CCDC7: variants seen among roughly 807,000 people sequenced by gnomAD.
CCDC7 encodes coiled-coil domain-containing protein 7.
In CCDC7, 183 loss-of-function variants were observed where a neutral mutation model predicts 196.9. The ratio of observed to expected loss-of-function variants is 0.93; its 90% CI spans 0.82 to 1.05. The LOEUF is 1.05. Ranked by LOEUF, CCDC7 falls within the 50% of genes least tolerant of loss-of-function variation. The probability of loss-of-function intolerance (pLI) is 0.00; values close to 1 mark genes in which losing one functional copy is unlikely to be tolerated. For synonymous variants in CCDC7, 525 were observed against 484.6 expected (o/e 1.08, Z -1.10); for missense variants, 1,540 against 1,482.2 (o/e 1.04, Z -0.64).
chr10:32,479,391 C>A (rs905072635), intron 8 of CCDC7, among the ~76,000 whole-genome samples: 1 of 152,192 alleles, frequency 6.6e-6, no homozygotes, highest in Admixed American at 6.5e-5. Flanking sequence ...TACATTCCTT[C>A]TGTATCTAAT....
intron 24 of CCDC7, among the ~76,000 whole-genome samples, chr10:32,710,087 T>C (rs548644716): frequency 3.7e-4 from 57 of 152,300 alleles, no homozygotes; most frequent in African/African-American, 1.3e-3. Flanking sequence ...TGACTTTGCT[T>C]ATCCTCCTTG....
chr10:32,549,382 C>T (rs1433660700), intron 13 of CCDC7, among the ~76,000 whole-genome samples: 1 of 152,074 alleles, frequency 6.6e-6, no homozygotes, highest in African/African-American at 2.4e-5. Context: ...ACTCTGCTGA[C>T]TGTTCCTTTT....
chr10:32,784,757 T>C (rs2081572532), intron 29 of CCDC7, among the ~76,000 whole-genome samples: 1 of 152,048 alleles, frequency 6.6e-6, no homozygotes, highest in South Asian at 2.1e-4. Context: ...ATCCCAGCAC[T>C]TTGGGAGGCT....
chr10:32,572,065 C>CA (rs1482176704), intron 16 of CCDC7, among the ~76,000 whole-genome samples, 172 bp downstream of exon 17: 2 of 151,856 alleles, frequency 1.3e-5, no homozygotes, highest in Non-Finnish European at 2.9e-5. Context: ...TTGATGCAGT[C>CA]AAAATCAAAA....
At chr10:32,810,158 A>C (rs1390045491) in intron 30 of CCDC7, among the ~76,000 whole-genome samples, 1 of 152,184 alleles carries the variant, frequency 6.6e-6, no homozygotes, top group African/African-American at 2.4e-5. Flanking sequence ...AACAACCAGA[A>C]AATAAGAAAA....
chr10:32,794,689 T>C (rs1379693923), intron 29 of CCDC7, among the ~76,000 whole-genome samples: 1 of 152,226 alleles, frequency 6.6e-6, no homozygotes, highest in African/African-American at 2.4e-5. Context: ...TAATGAGCAA[T>C]TTTTCATATA....
intron 20 of CCDC7, among the ~76,000 whole-genome samples, chr10:32,641,354 T>G (rs1003216214): frequency 6.6e-6 from 1 of 152,218 alleles, no homozygotes; most frequent in African/African-American, 2.4e-5. Flanking sequence ...TTCGTTTCTT[T>G]TTATTGTTTT....
At chr10:32,493,837 CAT>C (rs2042499681) in intron 9 of CCDC7, among the ~76,000 whole-genome samples, 3 of 152,146 alleles carry the variant, frequency 2.0e-5, no homozygotes, top group South Asian at 4.1e-4. Context: ...TGACCATTCA[CAT>C]GTCTTTTTTT....
chr10:32,577,141 A>G (rs1043691863), intron 16 of CCDC7, among the ~76,000 whole-genome samples: 4 of 152,116 alleles, frequency 2.6e-5, no homozygotes, highest in African/African-American at 9.7e-5. Flanking sequence ...AGGCAGGCAG[A>G]TCACGAGGTC....
exon 6 of CCDC7, chr10:32,471,134 C>A (rs148603519): frequency 1.2e-5 from 19 of 1,612,250 alleles, no homozygotes; most frequent in Non-Finnish European, 1.5e-5. Context: ...TTAAATATTG[C>A]AGAAATAGTA....
chr10:32,651,990 G>T (rs1279387172), intron 20 of CCDC7, among the ~76,000 whole-genome samples: 1 of 152,046 alleles, frequency 6.6e-6, no homozygotes, highest in African/African-American at 2.4e-5. Context: ...TTGATTTTTT[G>T]TCTGGATGAT....
intron 15 of CCDC7, 90 bp from the exon 17 acceptor site, chr10:32,571,769 A>C: frequency 8.1e-7 from 1 of 1,233,622 alleles, no homozygotes; most frequent in Non-Finnish European, 1.1e-6. Context: ...TCATATTAAA[A>C]AACTACCTTA....
chr10:32,611,275 T>C (rs2062100694), intron 18 of CCDC7, among the ~76,000 whole-genome samples: 1 of 152,230 alleles, frequency 6.6e-6, no homozygotes, highest in African/African-American at 2.4e-5. Flanking sequence ...GTTGTTTGTT[T>C]TTTTCTTGTA....
chr10:32,749,113 G>T (rs527309731), intron 28 of CCDC7, among the ~76,000 whole-genome samples: 1 of 152,294 alleles, frequency 6.6e-6, no homozygotes, highest in African/African-American at 2.4e-5. Flanking sequence ...ATTAAGTTGT[G>T]ATTCCCTATC....
chr10:32,444,295 C>A (rs879614593), upstream of CCDC7, among the ~76,000 whole-genome samples: 1 of 152,154 alleles, frequency 6.6e-6, no homozygotes, highest in Admixed American at 6.6e-5. Context: ...AAAGAATAAT[C>A]GATTCATGTC....
intron 29 of CCDC7, among the ~76,000 whole-genome samples, chr10:32,798,905 C>A (rs2084195498): frequency 6.6e-6 from 1 of 152,164 alleles, no homozygotes; most frequent in African/African-American, 2.4e-5. Flanking sequence ...GTCCACTGAT[C>A]ATAGGGAACT....
Position 32,488,019 on chromosome 10 carries a change from C to T in CCDC7, c.797-3903C>T, listed in dbSNP as rs143855836. On this transcript the variant is annotated intron_variant, in intron 8 of 41. Coordinates refer to ENST00000639629, the Ensembl canonical transcript of CCDC7. ...CACTACTCTCTTCAAAGCTGTCAGACAGGGACATTTAAGTCTTCAGAGGAT... is the reference window on the plus strand; with the variant it reads ...CACTACTCTCTTCAAAGCTGTCAGATAGGGACATTTAAGTCTTCAGAGGAT... Among the ~76,000 whole-genome samples the T allele has an allele frequency of 9.7e-4, 148 of 152,352 alleles. 1 individual carries two copies. Among genetic ancestry groups the T allele is most frequent in the Non-Finnish European group, 1.8e-3 (123 of 68,036 alleles).
intron 29 of CCDC7, among the ~76,000 whole-genome samples, chr10:32,780,845 A>T (rs968550037): frequency 6.6e-6 from 1 of 152,148 alleles, no homozygotes; most frequent in African/African-American, 2.4e-5. Context: ...TTGCAGAATG[A>T]ATTTTTTTTA....
intron 20 of CCDC7, among the ~76,000 whole-genome samples, chr10:32,654,831 T>G (rs919570887): frequency 1.3e-5 from 2 of 152,240 alleles, no homozygotes; most frequent in Non-Finnish European, 2.9e-5. Flanking sequence ...TTTTGTCTAT[T>G]AGATTCCCTG....
Sources: allele counts gnomAD v4.1 joint callset (sites outside exome capture counted in the v4.1 genomes callset), GRCh38; gene constraint gnomAD v4.1.1; transcripts MANE v1.5; gene names NCBI Gene and HGNC (gene_info 2026-07-23, HGNC 2026-07-21).